SUCLG2: variants seen among roughly 807,000 people sequenced by gnomAD.
SUCLG2 encodes the protein succinate-CoA ligase GDP-forming subunit beta, also known as succinate--CoA ligase [GDP-forming] subunit beta, mitochondrial.
A neutral mutation model predicts 47.9 loss-of-function variants in SUCLG2; 42 were observed. The ratio of observed to expected loss-of-function variants is 0.88; its 90% CI spans 0.69 to 1.14. The LOEUF is 1.14. Ranked by LOEUF, SUCLG2 falls within the 50% of genes most tolerant of loss-of-function variation. The pLI, the probability that SUCLG2 is intolerant of heterozygous loss-of-function variation, is 0.00. For missense variants in SUCLG2, 571 were observed against 525.9 expected, an observed-to-expected ratio of 1.09 and a Z score of -0.84; for synonymous variants, 195 against 197.3, an observed-to-expected ratio of 0.99 and a Z score of 0.10.
Position 67,584,448 on chromosome 3 carries a change from G to T in SUCLG2, c.226+25007C>A, listed in dbSNP as rs531336779. On this transcript the variant is annotated intron_variant, in intron 2 of 10. Coordinates refer to ENST00000307227, the MANE Select transcript of SUCLG2 (RefSeq NM_003848.4). ...TGGAGGATGAAATGTTTTAAAACTGGACTACAGTGATGGTTATATAACTTG... is the reference window on the plus strand; with the variant it reads ...TGGAGGATGAAATGTTTTAAAACTGTACTACAGTGATGGTTATATAACTTG... 1.7e-4 allele frequency among the ~76,000 whole-genome samples: 26 copies of T among 152,264 alleles called. No homozygotes were observed. In the South Asian group the frequency reaches 1.9e-3, roughly 11 times the overall value.
At chr3:67,517,080 C>T (rs900808010) in intron 6 of SUCLG2, among the ~76,000 whole-genome samples, 1 of 152,314 alleles carries the variant, frequency 6.6e-6, no homozygotes, top group Middle Eastern at 3.4e-3. Flanking sequence ...AACTGTCCAT[C>T]GAATCCTGGC....
At chr3:67,454,961 C>CAAA (rs61683854) in intron 9 of SUCLG2, among the ~76,000 whole-genome samples, 5 of 111,614 alleles carry the variant, frequency 4.5e-5, no homozygotes, top group African/African-American at 1.1e-4. Context: ...GACTCCGTCT[C>CAAA]AAAAAAAAAA....
intron 1 of SUCLG2, among the ~76,000 whole-genome samples, chr3:67,616,926 A>G (rs555844044): frequency 8.3e-4 from 127 of 152,326 alleles, no homozygotes; most frequent in Non-Finnish European, 1.5e-3. Context: ...AGAGGAAAAT[A>G]TATTTCCCTC....
In SUCLG2 at chr3:67,537,082, T is replaced by C. The variant is rs184917166; in HGVS notation, c.227-7896A>G. ...ATTATACTTTAGGTTCTGGGATATA[T>C]ATGCAGAGCCTGCTGGTTTGTTACA... On this transcript the variant is annotated intron_variant, in intron 2 of 10. Transcript: ENST00000307227. Among the ~76,000 whole-genome samples, 47 of 152,332 alleles carry C rather than the reference T, an allele frequency of 3.1e-4. No homozygotes were observed. The East Asian group carries it at 8.7e-3, about 28-fold the overall frequency.
intron 9 of SUCLG2, among the ~76,000 whole-genome samples, chr3:67,403,394 T>C (rs555952895): frequency 3.9e-5 from 6 of 152,322 alleles, no homozygotes; most frequent in African/African-American, 1.2e-4. Context: ...ATCCATGATA[T>C]GGCATAATCA....
chr3:67,370,843 C>G (rs953050463), downstream of SUCLG2, among the ~76,000 whole-genome samples: 8 of 152,162 alleles, frequency 5.3e-5, no homozygotes, highest in Admixed American at 4.6e-4. Flanking sequence ...GGGAGGACTA[C>G]TGTATGTGCT....
chr3:67,642,447 T>TA (rs1367193245), intron 1 of SUCLG2, among the ~76,000 whole-genome samples: 2 of 151,254 alleles, frequency 1.3e-5, no homozygotes, highest in African/African-American at 4.9e-5. Context: ...TCTACAAAAT[T>TA]TAAAAAAAAA....
intron 9 of SUCLG2, among the ~76,000 whole-genome samples, chr3:67,424,186 C>A (rs1019419750): frequency 6.6e-6 from 1 of 152,150 alleles, no homozygotes; most frequent in Non-Finnish European, 1.5e-5. Context: ...ATCTTGTAAT[C>A]CATTTAAACA....
At chr3:67,368,359 C>T (rs948120147) in intron 10 of SUCLG2, among the ~76,000 whole-genome samples, 2 of 152,116 alleles carry the variant, frequency 1.3e-5, no homozygotes, top group Non-Finnish European at 2.9e-5. Context: ...AGTCTTTTGG[C>T]ACAATTTCAC....
chr3:67,606,833 T>C (rs1277658658), intron 2 of SUCLG2, among the ~76,000 whole-genome samples: 3 of 152,238 alleles, frequency 2.0e-5, no homozygotes, highest in East Asian at 3.8e-4. Context: ...CTTGCACAGC[T>C]GTGTCCACAG....
chr3:67,608,365 C>T (rs1575813099), intron 2 of SUCLG2, among the ~76,000 whole-genome samples: 1 of 152,162 alleles, frequency 6.6e-6, no homozygotes, highest in Admixed American at 6.5e-5. Flanking sequence ...AAGCAACATC[C>T]CATGTGCTGC....
chr3:67,441,608 C>G (rs191935216), intron 9 of SUCLG2, among the ~76,000 whole-genome samples: 1 of 152,290 alleles, frequency 6.6e-6, no homozygotes, highest in Non-Finnish European at 1.5e-5. Flanking sequence ...CCCTCAAAAA[C>G]TGGGAGTGAT....
chr3:67,575,687 T>C (rs1707724522), intron 2 of SUCLG2, among the ~76,000 whole-genome samples: 1 of 152,234 alleles, frequency 6.6e-6, no homozygotes, highest in Non-Finnish European at 1.5e-5. Flanking sequence ...ACTGCATTTC[T>C]ATAAAGTTGT....
chr3:67,474,132 C>T (rs915663843), intron 9 of SUCLG2, among the ~76,000 whole-genome samples: 1 of 151,958 alleles, frequency 6.6e-6, no homozygotes, highest in Non-Finnish European at 1.5e-5. Flanking sequence ...TGGTGGCAGG[C>T]GCCTGTAGTC....
At chr3:67,481,720 GACT>G (rs1704921970) in intron 9 of SUCLG2, among the ~76,000 whole-genome samples, 1 of 152,170 alleles carries the variant, frequency 6.6e-6, no homozygotes, top group Non-Finnish European at 1.5e-5. Context: ...CTGCAGAAAA[GACT>G]ACATCTGTCA....
At chr3:67,364,336 C>T (rs570750077) in intron 10 of SUCLG2, among the ~76,000 whole-genome samples, 108 of 152,224 alleles carry the variant, frequency 7.1e-4, no homozygotes, top group Non-Finnish European at 1.3e-3. Flanking sequence ...GGAGCCTGGC[C>T]TTCCACCCCT....
intron 9 of SUCLG2, among the ~76,000 whole-genome samples, chr3:67,456,931 TTTC>T (rs1295548915): frequency 6.6e-6 from 1 of 152,160 alleles, no homozygotes; most frequent in Non-Finnish European, 1.5e-5. Context: ...TTATTTTCCT[TTTC>T]TTCTTTATAC....
chr3:67,514,739 A>C (rs1399783709), intron 6 of SUCLG2, among the ~76,000 whole-genome samples: 1 of 152,240 alleles, frequency 6.6e-6, no homozygotes, highest in Non-Finnish European at 1.5e-5. Context: ...GGAAAGGACA[A>C]AATTATGGAA....
rs1400957725 is a variant in SUCLG2 at position 67,374,834 on chromosome 3, A to G, written c.*910T>C. ...CAACAAAATTGGACATCATGGAAAAAAAAAACACATTCAAATAAGGTTCCC... is the reference window on the plus strand; with the variant it reads ...CAACAAAATTGGACATCATGGAAAAGAAAAACACATTCAAATAAGGTTCCC... On this transcript the variant is annotated 3_prime_UTR_variant, in exon 11 of 11. Coordinates refer to ENST00000307227, the MANE Select transcript of SUCLG2 (RefSeq NM_003848.4). 1 of 984,858 alleles carries G rather than the reference A, an allele frequency of 1.0e-6. No individual in the cohort carries two copies. Among genetic ancestry groups the G allele is most frequent in the East Asian group, 1.1e-4 (1 of 8,820 alleles). The allele number at this position is 984,858 out of a possible 1,614,324, so 61.0% of individuals were successfully genotyped here. A position where few individuals can be genotyped will look rare whatever the true frequency, so the allele number is the denominator to read the frequency against.
Sources: gnomAD v4.1 joint callset for allele counts (sites outside exome capture counted in the v4.1 genomes callset) on GRCh38, gnomAD v4.1.1 for gene constraint, MANE v1.5 for transcripts, NCBI Gene and HGNC (gene_info 2026-07-23, HGNC 2026-07-21) for gene names.